ABCB1: variants seen among roughly 807,000 people sequenced by gnomAD.
ABCB1 encodes ATP binding cassette subfamily B member 1, also known as ATP-dependent translocase ABCB1.
Under a neutral mutation model 142.0 loss-of-function variants are expected in ABCB1, and 69 were observed. The observed-to-expected ratio is 0.49, with a 90% confidence interval of 0.40 to 0.59. ABCB1 has a LOEUF of 0.59. ABCB1 is among the 20% of genes least tolerant of loss of function. The pLI is 0.00. For synonymous variants in ABCB1, 532 were observed against 539.2 expected (o/e 0.99, Z 0.18); for missense variants, 1,326 against 1,554.7 (o/e 0.85, Z 2.47).
intron 8 of ABCB1, among the ~76,000 whole-genome samples, chr7:87,558,871 A>G (rs1335801246): frequency 6.6e-6 from 1 of 152,060 alleles, no homozygotes; most frequent in Non-Finnish European, 1.5e-5. Flanking sequence ...AATTATATTA[A>G]TAGATTTCCT....
At chr7:87,629,866 T>C (rs1821023786) in intron 1 of ABCB1, among the ~76,000 whole-genome samples, 1 of 149,110 alleles carries the variant, frequency 6.7e-6, no homozygotes, top group Non-Finnish European at 1.5e-5. Context: ...GCGGTTGCAA[T>C]GAGCTGAGAT....
chr7:87,704,932 A>G (rs1585153335), intron 1 of ABCB1, among the ~76,000 whole-genome samples: 1 of 152,354 alleles, frequency 6.6e-6, no homozygotes, highest in East Asian at 1.9e-4. Flanking sequence ...ATCTTGAATG[A>G]CTACTAGCAT....
rs370840500 is a variant in ABCB1 at position 87,589,805 on chromosome 7, GGAGA to G, written c.118-4129_118-4126del. ...AAAAAAAGAAAGAGAGAGAGAGAGAGGAGAGAGAGAGAGAGAGAGAGAGAGAGAG... is the reference window on the plus strand; with the variant it reads ...AAAAAAAGAAAGAGAGAGAGAGAGAGGAGAGAGAGAGAGAGAGAGAGAGAG... On this transcript the variant is annotated intron_variant, in intron 3 of 27. Transcript: ENST00000622132. Among the ~76,000 whole-genome samples the G allele has an allele frequency of 8.2e-3, 868 of 105,350 alleles. 6 individuals are homozygous for G. The highest frequency in any genetic ancestry group is 0.021 in the Middle Eastern group (4 of 194). The allele number at this position is 105,350 out of a possible 152,430, so 69.1% of individuals were successfully genotyped here. A position where few individuals can be genotyped will look rare whatever the true frequency, so the allele number is the denominator to read the frequency against.
At chr7:87,652,782 A>G (rs1823715895) in intron 1 of ABCB1, among the ~76,000 whole-genome samples, 1 of 151,772 alleles carries the variant, frequency 6.6e-6, no homozygotes, top group African/African-American at 2.4e-5. Context: ...TGGAGAAGTC[A>G]TGATTATTTT....
intron 1 of ABCB1, among the ~76,000 whole-genome samples, chr7:87,632,289 TTTTGAGC>T (rs887211607): frequency 1.8e-4 from 27 of 152,310 alleles, no homozygotes; most frequent in Non-Finnish European, 3.7e-4. Context: ...CAATATATAG[TTTTGAGC>T]TTTGAAAGTG....
intron 23 of ABCB1, among the ~76,000 whole-genome samples, chr7:87,518,193 G>A (rs540182879): frequency 9.2e-5 from 14 of 152,202 alleles, no homozygotes; most frequent in Non-Finnish European, 1.9e-4. Context: ...TTGTTTGTTT[G>A]TTTAACTAGC....
At chr7:87,611,086 T>C (rs1819833720) in intron 1 of ABCB1, among the ~76,000 whole-genome samples, 2 of 152,306 alleles carry the variant, frequency 1.3e-5, no homozygotes, top group African/African-American at 4.8e-5. Flanking sequence ...GCCAAAGTAT[T>C]TGTAAAATCT....
intron 20 of ABCB1, among the ~76,000 whole-genome samples, chr7:87,533,985 G>C (rs779140554): frequency 1.8e-4 from 27 of 152,198 alleles, no homozygotes; most frequent in Admixed American, 5.9e-4. Context: ...GAGGAAACAA[G>C]TGAAAAGCAG....
chr7:87,558,777 G>A (rs1297380602), intron 8 of ABCB1, among the ~76,000 whole-genome samples: 1 of 151,622 alleles, frequency 6.6e-6, no homozygotes, highest in Middle Eastern at 3.2e-3. Context: ...CTAGTTTTAC[G>A]AGTTTTTGTC....
rs561197345 is a variant in ABCB1 at position 87,552,976 on chromosome 7, C to T, written c.999+785G>A. On this transcript the variant is annotated intron_variant, in intron 9 of 27. Coordinates refer to ENST00000622132, the MANE Select transcript of ABCB1 (RefSeq NM_001348946.2). ...AAATGGCAAGACTTCTGTGCTTGCA[C>T]AAAGGTCTATAATGCAGAAAACTTC... 2.6e-5 allele frequency among the ~76,000 whole-genome samples: 4 copies of T among 152,150 alleles called. No homozygotes were observed. In the East Asian group the frequency reaches 7.7e-4, roughly 29 times the overall value.
intron 1 of ABCB1, among the ~76,000 whole-genome samples, chr7:87,647,081 A>G (rs1209040535): frequency 6.6e-6 from 1 of 152,142 alleles, no homozygotes; most frequent in Non-Finnish European, 1.5e-5. Flanking sequence ...TATTTGAGTG[A>G]TTATATTTTC....
intron 3 of ABCB1, among the ~76,000 whole-genome samples, chr7:87,592,362 C>CA: frequency 6.6e-6 from 1 of 152,182 alleles, no homozygotes; most frequent in East Asian, 1.9e-4. Context: ...GAAACAGATT[C>CA]AGACACAGGT....
chr7:87,684,746 CAAAAAAAAAAAAAAA>C (rs71524694), intron 1 of ABCB1, among the ~76,000 whole-genome samples: 2 of 37,790 alleles, frequency 5.3e-5, no homozygotes, highest in Non-Finnish European at 8.0e-5. Flanking sequence ...GACTCCGTCT[CAAAAAAAAAAAAAAA>C]AAAAAAAAAA....
chr7:87,638,345 TTGTGTGTGTGTGTGTG>T (rs71524692), intron 1 of ABCB1, among the ~76,000 whole-genome samples: 2 of 144,696 alleles, frequency 1.4e-5, no homozygotes, highest in Non-Finnish European at 3.0e-5. Context: ...AAGTATGTGT[TTGTGTGTGTGTGTGTG>T]TGTGTGTGTG....
rs542605231 is a variant in ABCB1, at chr7:87,679,453, A to G, written c.-331+33708T>C. ...ACCCAGGTTGGAGTGCAATGGCACA[A>G]TCATGGCTCACCACAGCCTCCACAT... On this transcript the variant is annotated intron_variant, in intron 1 of 28. Coordinates refer to the ABCB1 transcript ENST00000265724. 2.0e-5 allele frequency among the ~76,000 whole-genome samples: 3 copies of G among 149,850 alleles called. 1 individual carries two copies. The highest frequency in any genetic ancestry group is 7.5e-5 in the African/African-American group (3 of 40,256).
rs1370469510 is a variant in ABCB1, at chr7:87,554,007, G to A, written c.828-75C>T. The A allele has an allele frequency of 2.9e-6, 4 of 1,400,198 alleles. No individual in the cohort carries two copies. In the African/African-American group the frequency reaches 4.2e-5, roughly 15 times the overall value. 86.7% of individuals were successfully genotyped at this position (1,400,198 alleles called of 1,614,324 possible). A position where few individuals can be genotyped will look rare whatever the true frequency, so the allele number is the denominator to read the frequency against. On this transcript the variant is annotated intron_variant, in intron 8 of 27. Coordinates refer to ENST00000622132, the MANE Select transcript of ABCB1 (RefSeq NM_001348946.2). Reference sequence around the variant, plus strand: ...CGATATAGCATGATAGTTACAGAGTGGCTAGGATGTGTTCAGTCCTGTGAT... The same window carrying A: ...CGATATAGCATGATAGTTACAGAGTAGCTAGGATGTGTTCAGTCCTGTGAT...
At chr7:87,678,402 A>G (rs897262975) in intron 1 of ABCB1, among the ~76,000 whole-genome samples, 6 of 152,236 alleles carry the variant, frequency 3.9e-5, no homozygotes, top group Non-Finnish European at 8.8e-5. Context: ...CTAAAATGTT[A>G]ACTGTAGACT....
chr7:87,680,228 A>G (rs1160698361), intron 1 of ABCB1, among the ~76,000 whole-genome samples: 3 of 150,516 alleles, frequency 2.0e-5, no homozygotes, highest in Non-Finnish European at 4.4e-5. Flanking sequence ...GTGGCTGCGT[A>G]GTATTCCATG....
intron 1 of ABCB1, among the ~76,000 whole-genome samples, chr7:87,607,451 C>T (rs756848318): frequency 2.1e-4 from 32 of 152,100 alleles, no homozygotes; most frequent in Non-Finnish European, 4.7e-4. Flanking sequence ...GAGAAATGTC[C>T]ATTAACAGCA....
Sources: allele counts gnomAD v4.1 joint callset (sites outside exome capture counted in the v4.1 genomes callset), GRCh38; gene constraint gnomAD v4.1.1; transcripts MANE v1.5; gene names NCBI Gene and HGNC (gene_info 2026-07-23, HGNC 2026-07-21).